PYM1: variants seen among roughly 807,000 people sequenced by gnomAD.
PYM1 encodes the protein partner of Y14 and mago.
Under a neutral mutation model 20.7 loss-of-function variants are expected in PYM1, and 7 were observed. The ratio of observed to expected loss-of-function variants is 0.34; its 90% confidence interval spans 0.19 to 0.64. The LOEUF is 0.64. Ranked by LOEUF, PYM1 falls within the 30% of genes least tolerant of loss-of-function variation. The pLI, the probability that PYM1 is intolerant of heterozygous loss-of-function variation, is 0.74. For synonymous variants in PYM1, 100 were observed against 99.2 expected, an observed-to-expected ratio of 1.01 and a Z score of -0.05; for missense variants, 194 against 250.0, an observed-to-expected ratio of 0.78 and a Z score of 1.51.
At chr12:55,903,168 A>C (rs1447050381) in intron 2 of PYM1, among the ~76,000 whole-genome samples, 1 of 152,166 alleles carries the variant, frequency 6.6e-6, no homozygotes, top group Non-Finnish European at 1.5e-5. Flanking sequence ...AAAGCTCTGG[A>C]GGTTCTAATG....
rs546633483 is a variant in PYM1, at chr12:55,927,057, C to T, written c.37+668G>A. On this transcript the variant is annotated intron_variant, in intron 1 of 2. Transcript: ENST00000408946. ...CCCGAGAGCCCGGAGAGAAGCGGCTCCGCGCCTCCCGCACTCACCGCCGGT... is the reference window on the plus strand; with the variant it reads ...CCCGAGAGCCCGGAGAGAAGCGGCTTCGCGCCTCCCGCACTCACCGCCGGT... 2.3e-4 allele frequency: 337 copies of T among 1,491,362 alleles called. 1 individual carries two copies. Among genetic ancestry groups the T allele is most frequent in the Non-Finnish European group, 2.5e-4 (274 of 1,115,486 alleles). 92.4% of individuals were successfully genotyped at this position (1,491,362 alleles called of 1,614,324 possible). A position where few individuals can be genotyped will look rare whatever the true frequency, so the allele number is the denominator to read the frequency against.
In PYM1 at chr12:55,927,839, G is replaced by A; in HGVS notation, c.-78C>T. 6.6e-7 allele frequency: 1 copy of A among 1,505,630 alleles called. No individual in the cohort carries two copies. Among genetic ancestry groups the A allele is most frequent in the Non-Finnish European group, 8.9e-7 (1 of 1,128,524 alleles). 93.3% of individuals were successfully genotyped at this position (1,505,630 alleles called of 1,614,324 possible). A position where few individuals can be genotyped will look rare whatever the true frequency, so the allele number is the denominator to read the frequency against. On this transcript the variant is annotated 5_prime_UTR_variant, in exon 1 of 3. Transcript: ENST00000408946. ...CCCGCTGGGCGGCGCCGGGGATTCG[G>A]CGGCGAAGTGATGAGGGCCCTAGTT...
chr12:55,925,259 C>T (rs1167144112), intron 1 of PYM1, among the ~76,000 whole-genome samples: 1 of 152,152 alleles, frequency 6.6e-6, no homozygotes, highest in Non-Finnish European at 1.5e-5. Flanking sequence ...CCATAAGGTA[C>T]TGACAGATTC....
In PYM1 at chr12:55,927,888, C is replaced by G; in HGVS notation, c.-127G>C. ...TTGCTTCTCGCCCAGACCTCCTAAC[C>G]CTGAGTGCCTCCTCGGGCTGGGCCC... On this transcript the variant is annotated 5_prime_UTR_variant, in exon 1 of 3. Coordinates refer to ENST00000408946, the MANE Select transcript of PYM1 (RefSeq NM_032345.3). 8.0e-7 allele frequency: 1 copy of G among 1,248,854 alleles called. No homozygotes were observed. Among genetic ancestry groups the G allele is most frequent in the East Asian group, 2.6e-5 (1 of 38,032 alleles). 77.4% of individuals were successfully genotyped at this position (1,248,854 alleles called of 1,614,324 possible). A position where few individuals can be genotyped will look rare whatever the true frequency, so the allele number is the denominator to read the frequency against.
At chr12:55,907,684 A>G (rs1279080823) in intron 1 of PYM1, among the ~76,000 whole-genome samples, 2 of 151,586 alleles carry the variant, frequency 1.3e-5, no homozygotes, top group African/African-American at 4.9e-5. Context: ...CACACCTGTA[A>G]TCCCAGCACT....
chr12:55,909,300 C>T (rs1292810340), intron 1 of PYM1, among the ~76,000 whole-genome samples: 1 of 152,076 alleles, frequency 6.6e-6, no homozygotes, highest in Non-Finnish European at 1.5e-5. Flanking sequence ...AGAAACAGTT[C>T]GTTCTCAAAC....
intron 1 of PYM1, among the ~76,000 whole-genome samples, chr12:55,906,489 G>A (rs1882818972): frequency 6.6e-6 from 1 of 151,982 alleles, no homozygotes; most frequent in African/African-American, 2.4e-5. Context: ...TGCACCATTG[G>A]TGCAAAGTCA....
Position 55,902,155 on chromosome 12 carries a change from C to G in PYM1, c.332G>C (p.Arg111Thr), listed in dbSNP as rs771829830. ...QEKGEAEALS[R>T]TLDKVSLEET... ...TTCCAGGGACACCTTATCAAGAGTC[C>G]TGCTCAAGGCCTCTGCCTCTCCTTT... is the stretch of plus-strand genomic sequence containing the variant. The change falls in exon 3 of 3, where the codon AGG (arginine) becomes ACG (threonine). Residue 111 changes from arginine to threonine, a missense_variant. By Grantham distance (71) the Arg-to-Thr change is moderately conservative (BLOSUM62 -1). This residue lies in a region of PYM1 where 158 missense variants were observed against 179.0 expected (regional missense o/e 0.88). Coordinates refer to ENST00000408946, the MANE Select transcript of PYM1 (RefSeq NM_032345.3). 6 of 1,614,136 alleles carry G rather than the reference C, an allele frequency of 3.7e-6. No individual in the cohort carries two copies. The East Asian group carries it at 1.3e-4, about 36-fold the overall frequency.
intron 1 of PYM1, among the ~76,000 whole-genome samples, chr12:55,908,646 G>A (rs953537609): frequency 2.6e-5 from 4 of 152,066 alleles, no homozygotes; most frequent in Admixed American, 2.6e-4. Context: ...GAGATCAGGA[G>A]TTCGAGACCA....
chr12:55,920,944 T>C (rs989603288), intron 1 of PYM1, among the ~76,000 whole-genome samples: 1 of 152,196 alleles, frequency 6.6e-6, no homozygotes, highest in Non-Finnish European at 1.5e-5. Context: ...TAGAAAGATA[T>C]ATGCCATATA....
intron 1 of PYM1, among the ~76,000 whole-genome samples, chr12:55,905,919 T>C (rs1349190823): frequency 9.0e-6 from 1 of 110,884 alleles, no homozygotes; most frequent in African/African-American, 4.0e-5. Flanking sequence ...ATATATATAT[T>C]ATTATATATA....
At chr12:55,905,739 T>TAG (rs1555180493) in intron 1 of PYM1, among the ~76,000 whole-genome samples, 1 of 130,754 alleles carries the variant, frequency 7.6e-6, no homozygotes, top group Non-Finnish European at 1.6e-5. Context: ...TATATATATA[T>TAG]TTTATAGAAT....
intron 1 of PYM1, among the ~76,000 whole-genome samples, chr12:55,914,982 G>A (rs999313473): frequency 1.3e-5 from 2 of 151,954 alleles, no homozygotes; most frequent in African/African-American, 4.8e-5. Flanking sequence ...TTGGGAGGCC[G>A]AGGTGGGTGG....
At chr12:55,924,031 G>A (rs1883146926) in intron 1 of PYM1, among the ~76,000 whole-genome samples, 1 of 151,514 alleles carries the variant, frequency 6.6e-6, no homozygotes, top group African/African-American at 2.4e-5. Context: ...AGCCGAGATC[G>A]CGCTACTGCA....
intron 1 of PYM1, among the ~76,000 whole-genome samples, chr12:55,905,849 AT>A (rs1330655472): frequency 2.9e-5 from 3 of 104,336 alleles, no homozygotes; most frequent in African/African-American, 7.0e-5. Context: ...AGATATATAT[AT>A]TATATATTAG....
Position 55,901,453 on chromosome 12 carries a change from A to T in PYM1, c.*419T>A, listed in dbSNP as rs775872935. ...GTTTATTCTCATTTTTGCTTTTTTT[A>T]AAAAAAAAAAAAAAATGAGGGATGG... On this transcript the variant is annotated 3_prime_UTR_variant, in exon 3 of 3. Coordinates refer to ENST00000408946, the MANE Select transcript of PYM1 (RefSeq NM_032345.3). 1,099 of 130,946 alleles carry T rather than the reference A, an allele frequency of 8.4e-3. 1 individual carries two copies. Among genetic ancestry groups the T allele is most frequent in the Middle Eastern group, 0.03 (7 of 236 alleles). The allele number at this position is 130,946 out of a possible 1,614,324, so 8.1% of individuals were successfully genotyped here. A position where few individuals can be genotyped will look rare whatever the true frequency, so the allele number is the denominator to read the frequency against.
In PYM1 at chr12:55,905,087, T is replaced by C. The variant is rs574653345; in HGVS notation, c.38-1607A>G. Reference sequence around the variant, plus strand: ...CGCAATCTCGGCTCACTGCAAGCTCTGCCTCCCGGGTTCACGCCATTCTCC... The same window carrying C: ...CGCAATCTCGGCTCACTGCAAGCTCCGCCTCCCGGGTTCACGCCATTCTCC... On this transcript the variant is annotated intron_variant, in intron 1 of 2. Coordinates refer to ENST00000408946, the MANE Select transcript of PYM1 (RefSeq NM_032345.3). Among the ~76,000 whole-genome samples, 57 of 151,258 alleles carry C rather than the reference T, an allele frequency of 3.8e-4. No homozygotes were observed. In the East Asian group the frequency reaches 3.8e-3, roughly 10 times the overall value.
intron 1 of PYM1, among the ~76,000 whole-genome samples, chr12:55,905,477 G>A (rs959934328): frequency 6.6e-5 from 10 of 150,510 alleles, no homozygotes; most frequent in South Asian, 2.1e-4. Context: ...TGAGGCGGGC[G>A]GATCATCTGA....
intron 1 of PYM1, among the ~76,000 whole-genome samples, chr12:55,920,562 C>T (rs1883080671): frequency 6.7e-6 from 1 of 149,730 alleles, no homozygotes; most frequent in Non-Finnish European, 1.5e-5. Flanking sequence ...CACTTGAGCC[C>T]AGGAGGTGGA....
Sources: allele counts gnomAD v4.1 joint callset (sites outside exome capture counted in the v4.1 genomes callset), GRCh38; gene constraint gnomAD v4.1.1; regional missense constraint gnomAD v4.1.1; transcripts MANE v1.5; gene names NCBI Gene and HGNC (gene_info 2026-07-23, HGNC 2026-07-21).